The following RMP64 variants were observed in gnomAD, a reference collection of about 807,000 sequenced individuals.
RMP64 encodes the protein nucleolus and neural progenitor protein.
the RMP64 span, chr3:113,013,980 T>C: frequency 4.2e-5 from 67 of 1,613,586 alleles, no homozygotes; most frequent in Non-Finnish European, 5.5e-5. Flanking sequence ...AAACAGGTCT[T>C]GAATTGAGCC....
chr3:113,019,616 G>A, the RMP64 span: 16 of 1,613,810 alleles, frequency 9.9e-6, no homozygotes, highest in African/African-American at 9.3e-5. Flanking sequence ...ACGGTTCCAC[G>A]GCTCCAGGCC....
At chr3:113,013,320 G>A in the RMP64 span, 2 of 1,613,886 alleles carry the variant, frequency 1.2e-6, no homozygotes, top group South Asian at 1.1e-5. Context: ...CAACTTGCAG[G>A]CTCCCAAAAC....
chr3:113,006,607 G>A, the RMP64 span, among the ~76,000 whole-genome samples: 17 of 152,176 alleles, frequency 1.1e-4, no homozygotes, highest in Admixed American at 9.2e-4. Context: ...TTCCACACAC[G>A]GTACACTGCC....
chr3:113,017,476 C>G, the RMP64 span: 15 of 1,613,572 alleles, frequency 9.3e-6, no homozygotes, highest in African/African-American at 1.3e-5. Context: ...GGGTTTGTGG[C>G]GGCCCATTCT....
At chr3:113,014,276 A>G in the RMP64 span, 1 of 381,656 alleles carries the variant, frequency 2.6e-6, no homozygotes, top group Non-Finnish European at 4.8e-6. Flanking sequence ...AAATTAGTAT[A>G]TGCCACAATG....
At chr3:113,013,728 T>C in the RMP64 span, among the ~76,000 whole-genome samples, 2 of 152,230 alleles carry the variant, frequency 1.3e-5, no homozygotes, top group Non-Finnish European at 2.9e-5. Flanking sequence ...GATGTTTTAA[T>C]ATAATCTACC....
the RMP64 span, chr3:113,013,883 C>A: frequency 9.2e-7 from 1 of 1,089,164 alleles, no homozygotes; most frequent in Non-Finnish European, 1.4e-6. Flanking sequence ...ATAGAGAAAT[C>A]CAAAGGGAGA....
chr3:113,011,248 G>C, the RMP64 span: 3 of 1,612,860 alleles, frequency 1.9e-6, no homozygotes, highest in South Asian at 2.2e-5. Context: ...TTTCTTAAAG[G>C]CTTCAAAATA....
chr3:113,014,362 T>TTC, the RMP64 span: 1 of 191,962 alleles, frequency 5.2e-6, no homozygotes, highest in East Asian at 1.6e-4. Flanking sequence ...ACAAGATTTT[T>TTC]TTTTTTTTTT....
At chr3:113,009,321 C>CT in the RMP64 span, among the ~76,000 whole-genome samples, 2 of 151,790 alleles carry the variant, frequency 1.3e-5, no homozygotes, top group Non-Finnish European at 2.9e-5. Context: ...TCAAAAGGAA[C>CT]TTTAAAAAAA....
At chr3:113,014,742 A>C in the RMP64 span, 2 of 152,332 alleles carry the variant, frequency 1.3e-5, no homozygotes, top group South Asian at 4.1e-4. Flanking sequence ...TACCACAGAG[A>C]TGAGGAAAAC....
chr3:113,010,899 C>G, the RMP64 span: 1 of 843,876 alleles, frequency 1.2e-6, no homozygotes, highest in South Asian at 1.8e-5. Flanking sequence ...ACAGGTATTA[C>G]CATACCTCTC....
chr3:113,013,813 C>G, the RMP64 span: 1 of 689,404 alleles, frequency 1.5e-6, no homozygotes. Context: ...CACCAGGTAC[C>G]CCACATTAAA....
chr3:113,017,047 GT>G, the RMP64 span, among the ~76,000 whole-genome samples: 1 of 152,086 alleles, frequency 6.6e-6, no homozygotes, highest in Non-Finnish European at 1.5e-5. Context: ...AAGTAGACAA[GT>G]TTTTTTAAAA....
chr3:113,009,386 T>C, the RMP64 span: 6 of 152,202 alleles, frequency 3.9e-5, no homozygotes, highest in African/African-American at 9.7e-5. Flanking sequence ...TGGTGATCAA[T>C]AGAAGTAGTT....
At chr3:113,019,664 T>C in the RMP64 span, 9 of 1,606,020 alleles carry the variant, frequency 5.6e-6, no homozygotes, top group Admixed American at 8.4e-5. Context: ...CGGGGGGACT[T>C]ACGAAAGGCG....
chr3:113,003,181 A>C, the RMP64 span: 2 of 152,134 alleles, frequency 1.3e-5, no homozygotes, highest in Non-Finnish European at 2.9e-5. Context: ...ATCTCTACAC[A>C]AAGTTTTTAA....
At chr3:113,014,331 C>A in the RMP64 span, 3 of 198,106 alleles carry the variant, frequency 1.5e-5, no homozygotes, top group Non-Finnish European at 3.1e-5. Flanking sequence ...AGGTTATTCT[C>A]AAGATTATAA....
the RMP64 span, chr3:113,005,624 G>A: frequency 7.9e-5 from 128 of 1,613,542 alleles, 1 homozygote; most frequent in East Asian, 9.6e-4. Flanking sequence ...TTGCATCACC[G>A]TCCACGAATC....
Sources: gnomAD v4.1 joint callset for allele counts (sites outside exome capture counted in the v4.1 genomes callset) on GRCh38, gnomAD v4.1.1 for gene constraint, MANE v1.5 for transcripts, NCBI Gene and HGNC (gene_info 2026-07-23, HGNC 2026-07-21) for gene names.